CYTH3: variants seen among roughly 807,000 people sequenced by gnomAD.
The protein encoded by CYTH3 is cytohesin 3.
In CYTH3, 23 loss-of-function variants were observed where a neutral mutation model predicts 55.1. The observed-to-expected ratio is 0.42, with a 90% confidence interval of 0.30 to 0.59. The LOEUF is 0.59. Ranked by LOEUF, CYTH3 falls within the 20% of genes least tolerant of loss-of-function variation. The pLI, the probability that CYTH3 is intolerant of heterozygous loss-of-function variation, is 0.20. For synonymous variants in CYTH3, 249 were observed against 194.9 expected, an observed-to-expected ratio of 1.28 and a Z score of -2.31; for missense variants, 413 against 524.8, an observed-to-expected ratio of 0.79 and a Z score of 2.08.
At chr7:6,258,311 T>C (rs1295737385) in intron 1 of CYTH3, among the ~76,000 whole-genome samples, 1 of 141,268 alleles carries the variant, frequency 7.1e-6, no homozygotes, top group Non-Finnish European at 1.5e-5. Flanking sequence ...AGACACAGTC[T>C]CAAAAAAAAA....
chr7:6,193,874 G>A (rs1056600704), intron 1 of CYTH3, among the ~76,000 whole-genome samples: 5 of 152,220 alleles, frequency 3.3e-5, no homozygotes, highest in South Asian at 2.1e-4. Context: ...TCACCAAGCC[G>A]CCTTCTCCAC....
chr7:6,212,166 C>T (rs1784333683), intron 1 of CYTH3, among the ~76,000 whole-genome samples: 2 of 152,012 alleles, frequency 1.3e-5, no homozygotes, highest in Non-Finnish European at 2.9e-5. Context: ...CAAGGTCTCC[C>T]GATGTTTCCC....
chr7:6,235,267 C>G (rs6951747), intron 1 of CYTH3, among the ~76,000 whole-genome samples: 57,025 of 151,990 alleles, frequency 0.38, 16,277 homozygotes, highest in African/African-American at 0.76. Flanking sequence ...TTTGAGGTCA[C>G]GAGTTCAAGA....
At position 6,272,546 on chromosome 7, in the gene CYTH3, C is replaced by T. The variant is rs1780695354; in HGVS notation, c.-39G>A. The T allele has an allele frequency of 1.5e-6, 2 of 1,293,522 alleles. No individual in the cohort carries two copies. The highest frequency in any genetic ancestry group is 1.6e-5 in the African/African-American group (1 of 64,018). The allele number at this position is 1,293,522 out of a possible 1,614,324, so 80.1% of individuals were successfully genotyped here. ...CCGCAGCCGGCGAGCCGGGGGCCGG[C>T]AGCAGAGGGGCCGCGGGCTGGGGAC... On this transcript the variant is annotated 5_prime_UTR_variant, in exon 1 of 13. Coordinates refer to ENST00000350796, the MANE Select transcript of CYTH3 (RefSeq NM_004227.4).
At position 6,170,917 on chromosome 7, in the gene CYTH3, G is replaced by A. The variant is rs1184785712; in HGVS notation, c.624C>T (p.Asn208=). Reference sequence around the variant, plus strand: ...GTTCTGCCGTGGGCTTGTCACGCACGTTGTGGTTGTGGAGGCTGGTGTTGA... The same window carrying A: ...GTTCTGCCGTGGGCTTGTCACGCACATTGTGGTTGTGGAGGCTGGTGTTGA... ...IMLNTSLHNH[N]VRDKPTAERF... Residue 208 remains asparagine (N), a synonymous_variant, in exon 8 of 13, where the codon AAC becomes AAT. Transcript: ENST00000350796. The surrounding 1 kb of genome is among the most constrained non-coding windows in gnomAD (Gnocchi z 7.8). 4.3e-6 allele frequency: 7 copies of A among 1,613,934 alleles called. No homozygotes were observed. The highest frequency in any genetic ancestry group is 5.9e-6 in the Non-Finnish European group (7 of 1,179,942).
intron 1 of CYTH3, among the ~76,000 whole-genome samples, chr7:6,252,106 A>G (rs1779986711): frequency 6.6e-6 from 1 of 152,076 alleles, no homozygotes; most frequent in Admixed American, 6.5e-5. Context: ...TGAAACAGAT[A>G]GGCAAATGTG....
Position 6,272,565 on chromosome 7 carries a change from TG to T in CYTH3, c.-59del. 8.8e-7 allele frequency: 1 copy of T among 1,134,710 alleles called. No individual in the cohort carries two copies. The highest frequency in any genetic ancestry group is 1.1e-6 in the Non-Finnish European group (1 of 917,794). The allele number at this position is 1,134,710 out of a possible 1,614,324, so 70.3% of individuals were successfully genotyped here. A position where few individuals can be genotyped will look rare whatever the true frequency, so the allele number is the denominator to read the frequency against. Reference sequence around the variant, plus strand: ...GGCCGGCAGCAGAGGGGCCGCGGGCTGGGGACGCCGCCGGAGGGAGCGCGCA... The same window carrying T: ...GGCCGGCAGCAGAGGGGCCGCGGGCTGGGACGCCGCCGGAGGGAGCGCGCA... On this transcript the variant is annotated 5_prime_UTR_variant, in exon 1 of 13. Transcript: ENST00000350796.
intron 1 of CYTH3, among the ~76,000 whole-genome samples, chr7:6,243,971 GT>G (rs944518626): frequency 2.0e-5 from 3 of 152,208 alleles, no homozygotes; most frequent in Admixed American, 2.0e-4. Flanking sequence ...ACTGTTCAAA[GT>G]AAGTTATAAA....
At chr7:6,226,949 G>T (rs913608564) in intron 1 of CYTH3, among the ~76,000 whole-genome samples, 1 of 151,984 alleles carries the variant, frequency 6.6e-6, no homozygotes, top group Admixed American at 6.5e-5. Context: ...GCGTGGTGGC[G>T]GGCACCTGTA....
intron 1 of CYTH3, among the ~76,000 whole-genome samples, chr7:6,237,235 A>G (rs1779546892): frequency 6.6e-6 from 1 of 152,218 alleles, no homozygotes; most frequent in Non-Finnish European, 1.5e-5. Context: ...CTGGAGGTAC[A>G]AGTGCAACAA....
intron 1 of CYTH3, among the ~76,000 whole-genome samples, chr7:6,227,255 T>A (rs528070871): frequency 6.6e-6 from 1 of 151,944 alleles, no homozygotes; most frequent in South Asian, 2.1e-4. Flanking sequence ...AAAAATTATA[T>A]TCAAAGAAAA....
At chr7:6,191,348 G>A (rs576193083) in intron 1 of CYTH3, among the ~76,000 whole-genome samples, 38 of 152,116 alleles carry the variant, frequency 2.5e-4, no homozygotes, top group Admixed American at 2.0e-3. Context: ...ACCACAGGCC[G>A]ACGAAAATAT....
At chr7:6,214,665 A>G (rs911032783) in intron 1 of CYTH3, among the ~76,000 whole-genome samples, 1 of 152,174 alleles carries the variant, frequency 6.6e-6, no homozygotes, top group African/African-American at 2.4e-5. Flanking sequence ...AAACCATACA[A>G]AACAAAATTT....
intron 4 of CYTH3, among the ~76,000 whole-genome samples, chr7:6,186,048 T>A (rs1417620124): frequency 3.3e-5 from 5 of 151,578 alleles, no homozygotes; most frequent in African/African-American, 1.2e-4. Context: ...ATCAAGACCA[T>A]CCTGGCTAAC....
intron 1 of CYTH3, among the ~76,000 whole-genome samples, chr7:6,202,130 G>C (rs1270754884): frequency 6.6e-6 from 1 of 152,214 alleles, no homozygotes; most frequent in Non-Finnish European, 1.5e-5. Flanking sequence ...TGGCAGATTT[G>C]ACAGTGGGCA....
At chr7:6,224,957 A>G (rs1229461982) in intron 1 of CYTH3, among the ~76,000 whole-genome samples, 1 of 152,204 alleles carries the variant, frequency 6.6e-6, no homozygotes, top group East Asian at 1.9e-4. Flanking sequence ...AAGACCACAT[A>G]CTGCTTGATT....
chr7:6,177,497 C>A (rs972285713), intron 5 of CYTH3, among the ~76,000 whole-genome samples: 3 of 152,118 alleles, frequency 2.0e-5, no homozygotes, highest in African/African-American at 7.2e-5. Flanking sequence ...TATTTCTGGG[C>A]AAAACAGAAG....
intron 1 of CYTH3, among the ~76,000 whole-genome samples, chr7:6,220,696 A>G (rs1242923602): frequency 6.6e-6 from 1 of 151,896 alleles, no homozygotes; most frequent in Non-Finnish European, 1.5e-5. Flanking sequence ...GCATTTTCTT[A>G]TAAAACTAAA....
chr7:6,163,870 T>A lies in CYTH3; in HGVS notation c.*1074A>T, dbSNP rs1441723597. 1 of 152,200 alleles carries A rather than the reference T, an allele frequency of 6.6e-6. No individual in the cohort carries two copies. The highest frequency in any genetic ancestry group is 1.9e-4 in the East Asian group (1 of 5,196). 9.4% of individuals were successfully genotyped at this position (152,200 alleles called of 1,614,324 possible). ...CGTTCATTTTGCCACAGGTTTTAAATAGCGATGAATATGGTCAAAAGCCGG... is the reference window on the plus strand; with the variant it reads ...CGTTCATTTTGCCACAGGTTTTAAAAAGCGATGAATATGGTCAAAAGCCGG... On this transcript the variant is annotated 3_prime_UTR_variant, in exon 13 of 13. Coordinates refer to ENST00000350796, the MANE Select transcript of CYTH3 (RefSeq NM_004227.4).
Sources: gnomAD v4.1 joint callset for allele counts (sites outside exome capture counted in the v4.1 genomes callset) on GRCh38, gnomAD v4.1.1 for gene constraint, Gnocchi (gnomAD v3.1) non-coding constraint, MANE v1.5 for transcripts, NCBI Gene and HGNC (gene_info 2026-07-23, HGNC 2026-07-21) for gene names.